Variants in ALDH1L1 observed in about 807,000 individuals in gnomAD.
ALDH1L1 encodes the protein aldehyde dehydrogenase 1 family member L1.
A neutral mutation model predicts 101.1 loss-of-function variants in ALDH1L1; 68 were observed. The observed-to-expected ratio is 0.67, with a 90% CI of 0.55 to 0.82. ALDH1L1 has a LOEUF of 0.82. Among genes scored for constraint, ALDH1L1 ranks in the 40% least tolerant of loss-of-function variants. ALDH1L1 has a pLI of 0.00. For synonymous variants in ALDH1L1, 486 were observed against 470.8 expected (o/e 1.03, Z -0.42); for missense variants, 1,087 against 1,172.7 (o/e 0.93, Z 1.07).
intron 9 of ALDH1L1, among the ~76,000 whole-genome samples, chr3:126,144,168 G>A (rs140540645): frequency 3.4e-4 from 52 of 152,200 alleles, no homozygotes; most frequent in African/African-American, 1.2e-3. Context: ...AGCCAACAGA[G>A]TTGTACAATG....
At chr3:126,121,154 T>C (rs1467659812) in intron 16 of ALDH1L1, among the ~76,000 whole-genome samples, 1 of 152,200 alleles carries the variant, frequency 6.6e-6, no homozygotes, top group East Asian at 1.9e-4. Context: ...CAGATCGGGA[T>C]GATGCTTCTA....
intron 1 of ALDH1L1, among the ~76,000 whole-genome samples, chr3:126,162,175 A>G (rs1357837016): frequency 6.6e-6 from 1 of 152,202 alleles, no homozygotes; most frequent in Non-Finnish European, 1.5e-5. Context: ...CTACAAAGAT[A>G]CTTGCACATG....
In ALDH1L1 at chr3:126,130,312, C is replaced by A; in HGVS notation, c.1624-19G>T. 1 of 1,594,940 alleles carries A rather than the reference C, an allele frequency of 6.3e-7. No homozygotes were observed. The highest frequency in any genetic ancestry group is 8.5e-7 in the Non-Finnish European group (1 of 1,170,530). ...TGGAGCCCTGGAAGAGGAACAGGGGCAGTCACCCAGGGGCCCAGGGTCCAC... is the reference window on the plus strand; with the variant it reads ...TGGAGCCCTGGAAGAGGAACAGGGGAAGTCACCCAGGGGCCCAGGGTCCAC... On this transcript the variant is annotated intron_variant, in intron 13 of 22. Transcript: ENST00000393434.
At chr3:126,129,913 C>T (rs1362021628) in intron 14 of ALDH1L1, 2 of 202,160 alleles carry the variant, frequency 9.9e-6, no homozygotes, top group Non-Finnish European at 9.9e-6. Context: ...ATTTCCTGTT[C>T]CTCAGTGCTG....
chr3:126,187,464 C>T (rs1868124), intron 1 of ALDH1L1, among the ~76,000 whole-genome samples: 106,585 of 151,878 alleles, frequency 0.7, 38,546 homozygotes, highest in African/African-American at 0.9. Context: ...GGTCATCTCC[C>T]GAGGTGGGAT....
Position 126,131,416 on chromosome 3 carries a change from G to A in ALDH1L1, c.1591C>T (p.Arg531Cys), listed in dbSNP as rs200343595. ...THVGMSIQTF[R>C]YFAGWCDKIQ... ...TTGTCACACCAGCCAGCAAAGTAGC[G>A]GAAGGTCTGGATGGACATGCCCACG... The change falls in exon 13 of 23, where the codon CGC becomes TGC. Residue 531 changes from arginine to cysteine, a missense_variant. Coordinates refer to ENST00000393434, the MANE Select transcript of ALDH1L1 (RefSeq NM_012190.4). 4.2e-5 allele frequency: 68 copies of A among 1,609,028 alleles called. No homozygotes were observed. Among genetic ancestry groups the A allele is most frequent in the South Asian group, 5.5e-5 (5 of 90,812 alleles).
chr3:126,171,596 G>A (rs1319975154), intron 1 of ALDH1L1, among the ~76,000 whole-genome samples: 1 of 152,168 alleles, frequency 6.6e-6, no homozygotes, highest in Admixed American at 6.5e-5. Flanking sequence ...AGTTCTCACA[G>A]TAAGGATTGG....
At chr3:126,182,682 C>T (rs753330772), upstream of ALDH1L1, among the ~76,000 whole-genome samples, 8 of 151,982 alleles carry the variant, frequency 5.3e-5, no homozygotes, top group Admixed American at 2.0e-4. Context: ...GGCAGATGGG[C>T]GACAGGAACC....
chr3:126,142,036 A>G (rs1213360766), intron 9 of ALDH1L1, among the ~76,000 whole-genome samples: 1 of 152,222 alleles, frequency 6.6e-6, no homozygotes. Flanking sequence ...ATCTTACAGA[A>G]ATAAAAAGCA....
chr3:126,118,927 T>C lies in ALDH1L1; in HGVS notation c.1889-829A>G, dbSNP rs981621639. Among the ~76,000 whole-genome samples the C allele has an allele frequency of 9.9e-5, 15 of 152,282 alleles. No individual in the cohort carries two copies. In the South Asian group the frequency reaches 2.9e-3, roughly 30 times the overall value. On this transcript the variant is annotated intron_variant, in intron 16 of 22. Transcript: ENST00000393434. Reference sequence around the variant, plus strand: ...GTCCCCAACCTGGCTAAGTCCTCTCTGTCCCTCAGGTCTCCATCTCAACGA... The same window carrying C: ...GTCCCCAACCTGGCTAAGTCCTCTCCGTCCCTCAGGTCTCCATCTCAACGA...
chr3:126,158,477 G>T lies in ALDH1L1; in HGVS notation c.290C>A (p.Ala97Asp). Residue 97 changes from alanine to aspartate, a missense_variant, in exon 3 of 23, where the codon GCC becomes GAC. Physicochemically the swap from Ala to Asp is moderately radical, Grantham distance 126. This residue lies in a region of ALDH1L1 where 645 missense variants were observed against 637.0 expected (regional missense o/e 1.01). Coordinates refer to ENST00000393434, the MANE Select transcript of ALDH1L1 (RefSeq NM_012190.4). Reference sequence around the variant, plus strand: ...ATAGATGATGGAGCCATGCCGGGGGGCACTGATTATCTCCATGGGGATGAA... The same window carrying T: ...ATAGATGATGGAGCCATGCCGGGGGTCACTGATTATCTCCATGGGGATGAA... ...SQFIPMEIIS[A>D]PRHGSIIYHP... The T allele has an allele frequency of 1.2e-6, 2 of 1,614,020 alleles. No individual in the cohort carries two copies. Among genetic ancestry groups the T allele is most frequent in the Non-Finnish European group, 1.7e-6 (2 of 1,179,922 alleles).
chr3:126,146,279 C>G (rs1337890665), intron 9 of ALDH1L1, among the ~76,000 whole-genome samples: 1 of 152,100 alleles, frequency 6.6e-6, no homozygotes, highest in Non-Finnish European at 1.5e-5. Flanking sequence ...CACTCTGAGA[C>G]CCCCTCCCTG....
intron 1 of ALDH1L1, among the ~76,000 whole-genome samples, chr3:126,171,268 G>C (rs1254079462): frequency 6.6e-6 from 1 of 152,146 alleles, no homozygotes; most frequent in African/African-American, 2.4e-5. Context: ...ACTGCACTCC[G>C]GCCTAGCGAC....
chr3:126,155,302 C>T, intron 5 of ALDH1L1, 100 bp downstream of exon 5: 1 of 1,042,392 alleles, frequency 9.6e-7, no homozygotes, highest in Non-Finnish European at 1.4e-6. Context: ...AGAATTACAA[C>T]CTGCACCATC....
intron 8 of ALDH1L1, among the ~76,000 whole-genome samples, chr3:126,147,398 G>A (rs1337934053): frequency 6.6e-6 from 1 of 152,206 alleles, no homozygotes; most frequent in Non-Finnish European, 1.5e-5. Flanking sequence ...GTGACTATGA[G>A]GCTCACAGAT....
At chr3:126,125,016 G>A (rs1038848303) in intron 15 of ALDH1L1, among the ~76,000 whole-genome samples, 9 of 152,106 alleles carry the variant, frequency 5.9e-5, no homozygotes, top group South Asian at 2.1e-4. Context: ...GGCAGGCAGC[G>A]GGCAGGCTGT....
Position 126,160,866 on chromosome 3 carries a change from C to A in ALDH1L1, c.114G>T (p.Lys38Asn), listed in dbSNP as rs765993389. 6.2e-7 allele frequency: 1 copy of A among 1,614,140 alleles called. No individual in the cohort carries two copies. Among genetic ancestry groups the A allele is most frequent in the Non-Finnish European group, 8.5e-7 (1 of 1,179,970 alleles). ...TGGCTCACTCACCCAGGGGGTCGGC[C>A]TTTCCATCCTTGTCTGGAACAGTGA... is the stretch of plus-strand genomic sequence containing the variant. ...GVFTVPDKDG[K>N]ADPLGLEAEK... The change falls in exon 2 of 23, where the codon AAG becomes AAT. Residue 38 changes from lysine (K) to asparagine (N), a missense_variant. Lys to Asn is a moderately conservative substitution (Grantham distance 94). Coordinates refer to ENST00000393434, the MANE Select transcript of ALDH1L1 (RefSeq NM_012190.4).
Position 126,160,999 on chromosome 3 carries a change from G to T in ALDH1L1, c.-20C>A, listed in dbSNP as rs372465513. 48 of 1,614,112 alleles carry T rather than the reference G, an allele frequency of 3.0e-5. No homozygotes were observed. The African/African-American group carries it at 6.3e-4, about 21-fold the overall frequency. ...CTTCATGGTAGCAGGAGGGTTGGAA[G>T]GACCTGGAGAAGGAATAAGGCAGCA... On this transcript the variant is annotated 5_prime_UTR_variant, in exon 2 of 23. Coordinates refer to ENST00000393434, the MANE Select transcript of ALDH1L1 (RefSeq NM_012190.4).
chr3:126,110,202 G>A, intron 19 of ALDH1L1, 93 bp from the exon 20 acceptor site: 1 of 1,513,924 alleles, frequency 6.6e-7, no homozygotes. Flanking sequence ...CTGACCCCTG[G>A]GGAAAGTCCA....
Sources: allele counts gnomAD v4.1 joint callset (sites outside exome capture counted in the v4.1 genomes callset), GRCh38; gene constraint gnomAD v4.1.1; regional missense constraint gnomAD v4.1.1; transcripts MANE v1.5; gene names NCBI Gene and HGNC (gene_info 2026-07-23, HGNC 2026-07-21).